Variants in MAP2 observed in about 807,000 individuals in gnomAD.
MAP2 encodes microtubule-associated protein 2.
Under a neutral mutation model 137.6 loss-of-function variants are expected in MAP2, and 14 were observed. The observed-to-expected ratio is 0.10, with a 90% CI of 0.07 to 0.16. MAP2 has a LOEUF of 0.16. Ranked by LOEUF, MAP2 falls within the 10% of genes least tolerant of loss-of-function variation. MAP2 has a pLI of 1.00. For synonymous variants in MAP2, 786 were observed against 782.3 expected, an observed-to-expected ratio of 1.00 and a Z score of -0.08; for missense variants, 2,088 against 2,191.5, an observed-to-expected ratio of 0.95 and a Z score of 0.94.
chr2:209,576,179 G>A (rs2075342097), intron 2 of MAP2, among the ~76,000 whole-genome samples: 1 of 152,148 alleles, frequency 6.6e-6, no homozygotes, highest in Non-Finnish European at 1.5e-5. Context: ...ACAGAGGGGT[G>A]GAGTCATAGT....
chr2:209,681,964 C>T (rs2054782550), intron 7 of MAP2, among the ~76,000 whole-genome samples: 1 of 151,530 alleles, frequency 6.6e-6, no homozygotes, highest in Admixed American at 6.6e-5. Flanking sequence ...CAATTTACTG[C>T]CTGAAATAAT....
Position 209,696,307 on chromosome 2 carries a change from C to A in MAP2, c.4137C>A (p.Asp1379Glu). Residue 1379 changes from aspartate to glutamate, a missense_variant, in exon 8 of 16, where the codon GAC (aspartate) becomes GAA (glutamate). Asp to Glu is a conservative substitution (Grantham distance 45). This residue lies in a region of MAP2 where 591 missense variants were observed against 642.6 expected (regional missense o/e 0.92). Transcript: ENST00000682079. ...ATTACAAAGATGAGACCACCATTGA[C>A]GACTCCATCATGGACGCTGACAGCC... Reference protein sequence around the residue: ...YDDYKDETTIDDSIMDADSLW... With the variant: ...YDDYKDETTIEDSIMDADSLW... 6.3e-7 allele frequency: 1 copy of A among 1,586,574 alleles called. No homozygotes were observed. The highest frequency in any genetic ancestry group is 8.5e-7 in the Non-Finnish European group (1 of 1,171,212).
chr2:209,512,662 G>A (rs1172961819), intron 2 of MAP2, among the ~76,000 whole-genome samples: 1 of 151,482 alleles, frequency 6.6e-6, no homozygotes, highest in African/African-American at 2.4e-5. Context: ...CTTTTATAGA[G>A]ATAGGGCCTC....
At chr2:209,616,313 C>G (rs1239638543) in intron 3 of MAP2, among the ~76,000 whole-genome samples, 1 of 152,174 alleles carries the variant, frequency 6.6e-6, no homozygotes, top group Admixed American at 6.6e-5. Flanking sequence ...AGTGATGATC[C>G]AAAAAGTTAG....
intron 2 of MAP2, among the ~76,000 whole-genome samples, chr2:209,545,117 G>A (rs534310273): frequency 7.9e-5 from 12 of 152,214 alleles, no homozygotes; most frequent in African/African-American, 2.9e-4. Context: ...GGTGGGTGGG[G>A]GAGGAAATCT....
chr2:209,692,386 T>C (rs1202855136), intron 7 of MAP2, among the ~76,000 whole-genome samples: 2 of 150,268 alleles, frequency 1.3e-5, no homozygotes, highest in Non-Finnish European at 3.0e-5. Flanking sequence ...TCCAGAAATA[T>C]ACTGTTCTTA....
At chr2:209,648,432 C>T (rs1297317113) in intron 4 of MAP2, among the ~76,000 whole-genome samples, 3 of 152,058 alleles carry the variant, frequency 2.0e-5, no homozygotes, top group Admixed American at 1.3e-4. Context: ...GCTTATCACA[C>T]ATAACAGTAT....
chr2:209,699,984 C>A (rs775996558), intron 10 of MAP2, among the ~76,000 whole-genome samples: 1 of 152,140 alleles, frequency 6.6e-6, no homozygotes, highest in Admixed American at 6.6e-5. Flanking sequence ...GATCTCCTTA[C>A]GTACTAGTGA....
At chr2:209,510,426 T>C (rs2061588223) in intron 2 of MAP2, among the ~76,000 whole-genome samples, 2 of 152,060 alleles carry the variant, frequency 1.3e-5, no homozygotes, top group South Asian at 4.1e-4. Flanking sequence ...TCTAAAATGT[T>C]TATGTTCACT....
At chr2:209,437,616 A>T (rs1696667779) in intron 1 of MAP2, among the ~76,000 whole-genome samples, 1 of 151,628 alleles carries the variant, frequency 6.6e-6, no homozygotes, top group South Asian at 2.1e-4. Context: ...ACTCTTCCAG[A>T]AATGACACGA....
rs151337591 is a variant in MAP2 at position 209,573,297 on chromosome 2, T to C, written c.-171-6739T>C. 7.0e-3 allele frequency among the ~76,000 whole-genome samples: 998 copies of C among 141,572 alleles called. 5 individuals carry two copies. Among genetic ancestry groups the C allele is most frequent in the Middle Eastern group, 0.029 (8 of 274 alleles). 92.9% of individuals were successfully genotyped at this position (141,572 alleles called of 152,430 possible). A position where few individuals can be genotyped will look rare whatever the true frequency, so the allele number is the denominator to read the frequency against. On this transcript the variant is annotated intron_variant, in intron 2 of 15. Coordinates refer to ENST00000682079, the MANE Select transcript of MAP2 (RefSeq NM_001375505.1). ...TTTCTTTTCTTTATTTTTCTTTTTCTGTTTTTTTTTTTTTTTTGAGGAGTC... is the reference window on the plus strand; with the variant it reads ...TTTCTTTTCTTTATTTTTCTTTTTCCGTTTTTTTTTTTTTTTTGAGGAGTC...
At chr2:209,495,245 G>A (rs922800313) in intron 1 of MAP2, among the ~76,000 whole-genome samples, 1 of 152,226 alleles carries the variant, frequency 6.6e-6, no homozygotes, top group Admixed American at 6.5e-5. Flanking sequence ...GGAAGAGGGG[G>A]ATGTGGGTAC....
At chr2:209,722,146 C>G (rs2071363162) in intron 13 of MAP2, 1 of 152,194 alleles carries the variant, frequency 6.6e-6, no homozygotes, top group African/African-American at 2.4e-5. Flanking sequence ...TTGTTAGATA[C>G]AGACTCTGTG....
chr2:209,677,623 T>C (rs2052543268), intron 5 of MAP2, among the ~76,000 whole-genome samples: 1 of 152,082 alleles, frequency 6.6e-6, no homozygotes, highest in African/African-American at 2.4e-5. Flanking sequence ...CACTCACGAC[T>C]GTTAGAAAGT....
chr2:209,505,163 A>G (rs533341178), intron 1 of MAP2, among the ~76,000 whole-genome samples: 12 of 152,332 alleles, frequency 7.9e-5, no homozygotes, highest in Admixed American at 3.9e-4. Flanking sequence ...GAATGTTCCA[A>G]ATGTTCTCAG....
intron 4 of MAP2, among the ~76,000 whole-genome samples, chr2:209,644,211 C>T (rs2094241760): frequency 6.6e-6 from 1 of 152,176 alleles, no homozygotes; most frequent in Admixed American, 6.5e-5. Flanking sequence ...AAAACATTTT[C>T]TCCAATGGAT....
At chr2:209,596,334 A>G (rs1177135263) in intron 3 of MAP2, among the ~76,000 whole-genome samples, 1 of 152,192 alleles carries the variant, frequency 6.6e-6, no homozygotes, top group Non-Finnish European at 1.5e-5. Flanking sequence ...CTGAAAACAC[A>G]TCAAACAGAC....
intron 3 of MAP2, among the ~76,000 whole-genome samples, chr2:209,587,715 C>A (rs1193393572): frequency 3.3e-5 from 5 of 152,138 alleles, no homozygotes; most frequent in African/African-American, 1.2e-4. Flanking sequence ...TCCTTCAAGG[C>A]AGAGTAGCTC....
chr2:209,589,339 A>G (rs1182096207), intron 3 of MAP2, among the ~76,000 whole-genome samples: 1 of 152,214 alleles, frequency 6.6e-6, no homozygotes, highest in African/African-American at 2.4e-5. Context: ...ACTCAAGTCA[A>G]TGCACTAGAA....
Sources: allele counts gnomAD v4.1 joint callset (sites outside exome capture counted in the v4.1 genomes callset), GRCh38; gene constraint gnomAD v4.1.1; regional missense constraint gnomAD v4.1.1; transcripts MANE v1.5; gene names NCBI Gene and HGNC (gene_info 2026-07-23, HGNC 2026-07-21).